Variants in JAKMIP1 observed in about 807,000 individuals in gnomAD.
JAKMIP1 encodes janus kinase and microtubule-interacting protein 1.
In JAKMIP1, 33 loss-of-function variants were observed where a neutral mutation model predicts 113.0. The observed-to-expected ratio is 0.29, with a 90% CI of 0.22 to 0.39. JAKMIP1 has a LOEUF of 0.39. JAKMIP1 is among the 10% of genes least tolerant of loss of function. The probability of loss-of-function intolerance (pLI) is 1.00; values close to 1 mark genes in which losing one functional copy is unlikely to be tolerated. For synonymous variants in JAKMIP1, 480 were observed against 459.9 expected (o/e 1.04, Z -0.56); for missense variants, 813 against 1,080.5 (o/e 0.75, Z 3.47).
At chr4:6,132,478 C>T (rs573935742) in intron 1 of JAKMIP1, among the ~76,000 whole-genome samples, 137 of 151,956 alleles carry the variant, frequency 9.0e-4, no homozygotes, top group Non-Finnish European at 1.3e-4. Flanking sequence ...CCCGTCTCTA[C>T]TAAAAATACA....
intron 20 of JAKMIP1, among the ~76,000 whole-genome samples, chr4:6,027,510 GT>G (rs1712013534): frequency 6.6e-6 from 1 of 152,184 alleles, no homozygotes; most frequent in Non-Finnish European, 1.5e-5. Flanking sequence ...GCCAGGGATA[GT>G]GGTGGCTGGA....
chr4:6,185,545 G>A lies in JAKMIP1; in HGVS notation c.-148+14708C>T, dbSNP rs1451082670. Among the ~76,000 whole-genome samples the A allele has an allele frequency of 6.6e-6, 1 of 152,226 alleles. No individual in the cohort carries two copies. Among genetic ancestry groups the A allele is most frequent in the Non-Finnish European group, 1.5e-5 (1 of 68,042 alleles). ...CGCCTGTAGTCCCAGCTACTTGGGA[G>A]GCTGAGGCAGGAGAATGGCGTGAAC... On this transcript the variant is annotated intron_variant, in intron 1 of 20. Coordinates refer to ENST00000409021, the MANE Select transcript of JAKMIP1 (RefSeq NM_001099433.2). The surrounding 1 kb of genome is among the most constrained non-coding windows in gnomAD (Gnocchi z 5.3).
intron 1 of JAKMIP1, among the ~76,000 whole-genome samples, chr4:6,122,564 G>C (rs1383050725): frequency 1.3e-5 from 2 of 152,192 alleles, no homozygotes; most frequent in African/African-American, 4.8e-5. Flanking sequence ...GCCTTATGAA[G>C]AAAAATAACA....
rs1476830985 is a variant in JAKMIP1, at chr4:6,060,483, G to A, written c.1585C>T (p.Leu529=). 1 of 1,614,154 alleles carries A rather than the reference G, an allele frequency of 6.2e-7. No homozygotes were observed. The change falls in exon 11 of 21, where the codon CTG becomes TTG. Residue 529 remains leucine, a synonymous_variant. Coordinates refer to ENST00000409021, the MANE Select transcript of JAKMIP1 (RefSeq NM_001099433.2). The part of the protein sequence containing the change: ...ARTREQLQAD[L]LRCQAKIEDL... ...TCGATTTTGGCCTGACACCTCAGCA[G>A]ATCAGCTTGTAGCTGCTCCCGAGTC...
intron 1 of JAKMIP1, among the ~76,000 whole-genome samples, chr4:6,133,302 C>T (rs1218851376): frequency 5.9e-5 from 9 of 152,198 alleles, no homozygotes; most frequent in Non-Finnish European, 1.3e-4. Flanking sequence ...ACTTCGAGCA[C>T]AAGCTCTTTG....
intron 3 of JAKMIP1, among the ~76,000 whole-genome samples, chr4:6,095,854 C>T (rs1433352996): frequency 1.3e-5 from 2 of 152,102 alleles, no homozygotes; most frequent in East Asian, 3.9e-4. Context: ...AGACTCAGTC[C>T]CTGTCCTTAC....
Position 6,079,007 on chromosome 4 carries a change from A to G in JAKMIP1, c.1243-9T>C, listed in dbSNP as rs779935508. The G allele has an allele frequency of 6.2e-7, 1 of 1,614,186 alleles. No homozygotes were observed. Among genetic ancestry groups the G allele is most frequent in the South Asian group, 1.1e-5 (1 of 91,084 alleles). Reference sequence around the variant, plus strand: ...AACAGCCGTTCTCTCTCCTAGAAGGAAACACAACGGTTGGCATTTCCAGCC... The same window carrying G: ...AACAGCCGTTCTCTCTCCTAGAAGGGAACACAACGGTTGGCATTTCCAGCC... On this transcript the variant is annotated splice_polypyrimidine_tract_variant and intron_variant, in intron 7 of 20. Transcript: ENST00000409021.
At position 6,108,808 on chromosome 4, in the gene JAKMIP1, T is replaced by A. The variant is rs1481688004; in HGVS notation, c.130-2841A>T. 6.6e-6 allele frequency among the ~76,000 whole-genome samples: 1 copy of A among 152,216 alleles called. No homozygotes were observed. The highest frequency in any genetic ancestry group is 1.5e-5 in the Non-Finnish European group (1 of 68,044). On this transcript the variant is annotated intron_variant, in intron 2 of 20. Coordinates refer to ENST00000409021, the MANE Select transcript of JAKMIP1 (RefSeq NM_001099433.2). This position sits in a 1 kb window ranked among gnomAD's most constrained non-coding sequence, Gnocchi z 5.6. ...AGGTTACAGACAAGCAAGAGGAGGC[T>A]GAAGGGAGCCATGCGGCAGTGGATG...
At chr4:6,079,614 A>T (rs1226249695) in intron 7 of JAKMIP1, among the ~76,000 whole-genome samples, 14 of 152,180 alleles carry the variant, frequency 9.2e-5, no homozygotes. Flanking sequence ...TTCCTTTCAC[A>T]GAGAGCTGTG....
In JAKMIP1 at chr4:6,093,002, G is replaced by A. The variant is rs940703590; in HGVS notation, c.625-7373C>T. On this transcript the variant is annotated intron_variant, in intron 3 of 20. Coordinates refer to ENST00000409021, the MANE Select transcript of JAKMIP1 (RefSeq NM_001099433.2). The surrounding 1 kb of genome is among the most constrained non-coding windows in gnomAD (Gnocchi z 4.6). ...ATATTTTCATTTTGTATTTTACTGG[G>A]AATCCAAGTATCACATATCATCATG... Among the ~76,000 whole-genome samples, 6 of 152,146 alleles carry A rather than the reference G, an allele frequency of 3.9e-5. No individual in the cohort carries two copies. Among genetic ancestry groups the A allele is most frequent in the Non-Finnish European group, 8.8e-5 (6 of 68,032 alleles).
intron 1 of JAKMIP1, among the ~76,000 whole-genome samples, chr4:6,191,565 G>A (rs2109060262): frequency 6.6e-6 from 1 of 152,310 alleles, no homozygotes; most frequent in South Asian, 2.1e-4. Flanking sequence ...TTACAGAGGA[G>A]GAAACTGAAG....
At chr4:6,062,508 A>G (rs1242272568) in intron 9 of JAKMIP1, 68 bp from the exon 10 acceptor site, 2 of 1,498,726 alleles carry the variant, frequency 1.3e-6, no homozygotes, top group Non-Finnish European at 1.8e-6. Context: ...TTTATGATTG[A>G]TTTTAATAAT....
intron 3 of JAKMIP1, among the ~76,000 whole-genome samples, chr4:6,104,400 T>C (rs1032966655): frequency 2.0e-5 from 3 of 152,244 alleles, no homozygotes; most frequent in African/African-American, 4.8e-5. Flanking sequence ...TCCCACTGAA[T>C]TGACCCTTTA....
rs1054072531 is a variant in JAKMIP1 at position 6,027,142 on chromosome 4, T to C, written c.2446-864A>G. Among the ~76,000 whole-genome samples, 5 of 152,254 alleles carry C rather than the reference T, an allele frequency of 3.3e-5. No homozygotes were observed. The South Asian group carries it at 8.3e-4, about 25-fold the overall frequency. The stretch of plus-strand genomic sequence containing the variant: ...TAAACACACCGACTCAAAAGTAGAA[T>C]TTTTTTCTTACCCTTCTCAGGACTT... On this transcript the variant is annotated intron_variant, in intron 20 of 20. Transcript: ENST00000409021.
chr4:6,063,795 A>G (rs955199674), intron 9 of JAKMIP1, among the ~76,000 whole-genome samples: 1 of 152,242 alleles, frequency 6.6e-6, no homozygotes, highest in South Asian at 2.1e-4. Flanking sequence ...GGGGACAAGG[A>G]CAACAAGCAG....
chr4:6,072,925 A>G (rs1039349408), intron 8 of JAKMIP1, among the ~76,000 whole-genome samples: 3 of 151,790 alleles, frequency 2.0e-5, no homozygotes, highest in African/African-American at 7.3e-5. Context: ...CTAAAAATAC[A>G]AAAAAAATTA....
At chr4:6,149,622 T>G (rs1721314350) in intron 1 of JAKMIP1, among the ~76,000 whole-genome samples, 1 of 152,056 alleles carries the variant, frequency 6.6e-6, no homozygotes, top group Non-Finnish European at 1.5e-5. Context: ...GGGCAAAAAG[T>G]TCCTAATTTA....
intron 1 of JAKMIP1, among the ~76,000 whole-genome samples, chr4:6,113,758 G>A (rs776849899): frequency 2.6e-5 from 4 of 152,094 alleles, no homozygotes; most frequent in East Asian, 1.9e-4. Flanking sequence ...TCTCCTTCTC[G>A]TTTTCCATCT....
chr4:6,079,062 G>A, intron 7 of JAKMIP1, 64 bp from the exon 8 acceptor site: 1 of 1,574,226 alleles, frequency 6.4e-7, no homozygotes, highest in South Asian at 1.1e-5. Flanking sequence ...CAAAGCCACT[G>A]GCTCTCAAAG....
Sources: allele counts gnomAD v4.1 joint callset (sites outside exome capture counted in the v4.1 genomes callset), GRCh38; gene constraint gnomAD v4.1.1; non-coding constraint Gnocchi (gnomAD v3.1); transcripts MANE v1.5; gene names NCBI Gene and HGNC (gene_info 2026-07-23, HGNC 2026-07-21).